Variants in TPST1 observed in about 807,000 individuals in gnomAD.
TPST1 encodes the protein tyrosylprotein sulfotransferase 1, also known as protein-tyrosine sulfotransferase 1.
In TPST1, 20 loss-of-function variants were observed where a neutral mutation model predicts 34.8. That is an observed-to-expected ratio of 0.57 (90% CI 0.40 to 0.84). The LOEUF (loss-of-function observed/expected upper bound fraction) is 0.84, where lower values mean the gene tolerates loss of function less well. Among genes scored for constraint, TPST1 ranks in the 40% least tolerant of loss-of-function variants. TPST1 has a pLI of 0.00. For synonymous variants in TPST1, 152 were observed against 159.4 expected (o/e 0.95, Z 0.35); for missense variants, 353 against 455.5 (o/e 0.78, Z 2.05).
In TPST1 at chr7:66,216,660, A is replaced by T. The variant is rs149014035; in HGVS notation, c.-102+11138A>T. On this transcript the variant is annotated intron_variant, in intron 1 of 5. Transcript: ENST00000304842. ...AATTTTTGTATTTTTAGTAGAGACG[A>T]AGTTTCACCATGTTAGCCAGGATGG... is the stretch of plus-strand genomic sequence containing the variant. Among the ~76,000 whole-genome samples the T allele has an allele frequency of 1.1e-3, 161 of 151,940 alleles. 5 individuals are homozygous for T. The East Asian group carries it at 0.029, about 28-fold the overall frequency.
At chr7:66,281,170 G>C (rs1790926182) in intron 2 of TPST1, among the ~76,000 whole-genome samples, 1 of 152,142 alleles carries the variant, frequency 6.6e-6, no homozygotes, top group Non-Finnish European at 1.5e-5. Context: ...GCATCCCAGG[G>C]ATAAAGCCTA....
At chr7:66,250,902 T>G (rs1046176358) in intron 2 of TPST1, among the ~76,000 whole-genome samples, 2 of 152,206 alleles carry the variant, frequency 1.3e-5, no homozygotes, top group Admixed American at 1.3e-4. Context: ...GGGTAGTGAG[T>G]GTACATTGCA....
intron 3 of TPST1, among the ~76,000 whole-genome samples, chr7:66,307,380 A>G (rs1466271085): frequency 1.3e-5 from 2 of 151,992 alleles, no homozygotes; most frequent in Non-Finnish European, 2.9e-5. Context: ...GGCCTCCCAA[A>G]GTGCTGGGAT....
chr7:66,337,392 C>A (rs1160903396), intron 3 of TPST1, among the ~76,000 whole-genome samples: 1 of 149,562 alleles, frequency 6.7e-6, no homozygotes, highest in Non-Finnish European at 1.5e-5. Context: ...TCACTGCAAC[C>A]TGCACCTCCT....
chr7:66,339,291 G>T (rs1792185958), intron 3 of TPST1, among the ~76,000 whole-genome samples: 1 of 152,010 alleles, frequency 6.6e-6, no homozygotes, highest in African/African-American at 2.4e-5. Flanking sequence ...AACCTACCAA[G>T]ATTGAATCAG....
intron 1 of TPST1, among the ~76,000 whole-genome samples, chr7:66,224,809 A>G (rs995015258): frequency 6.7e-6 from 1 of 148,722 alleles, no homozygotes; most frequent in Admixed American, 6.7e-5. Flanking sequence ...GAGCAGTTCT[A>G]TTAATAGTGA....
At chr7:66,358,565 T>C (rs997228065) in intron 5 of TPST1, among the ~76,000 whole-genome samples, 3 of 152,206 alleles carry the variant, frequency 2.0e-5, no homozygotes, top group Non-Finnish European at 4.4e-5. Flanking sequence ...TGAATGTGAC[T>C]TGCGGTGCGT....
At chr7:66,232,494 T>G (rs1439310169) in intron 1 of TPST1, among the ~76,000 whole-genome samples, 2 of 152,176 alleles carry the variant, frequency 1.3e-5, no homozygotes, top group Admixed American at 6.5e-5. Flanking sequence ...TGCCTCAGCC[T>G]CCCGAGTAGC....
At chr7:66,347,988 C>G (rs1197375582) in intron 3 of TPST1, among the ~76,000 whole-genome samples, 1 of 152,022 alleles carries the variant, frequency 6.6e-6, no homozygotes, top group African/African-American at 2.4e-5. Context: ...TGCTGTAAGA[C>G]TTACAGAATG....
At chr7:66,227,784 T>C (rs763134325) in intron 1 of TPST1, among the ~76,000 whole-genome samples, 25 of 151,876 alleles carry the variant, frequency 1.6e-4, no homozygotes, top group Admixed American at 3.3e-4. Context: ...ATGAATCAAA[T>C]ATTTATTAAA....
chr7:66,307,455 G>A (rs1791448516), intron 3 of TPST1, among the ~76,000 whole-genome samples: 2 of 152,182 alleles, frequency 1.3e-5, no homozygotes, highest in South Asian at 2.1e-4. Flanking sequence ...TTGACCAGAA[G>A]CAGTACTGTT....
intron 1 of TPST1, among the ~76,000 whole-genome samples, chr7:66,213,494 G>A (rs1023820764): frequency 3.3e-5 from 5 of 152,212 alleles, no homozygotes; most frequent in South Asian, 2.1e-4. Context: ...GGTGGCTCAC[G>A]CCTGTAATCC....
chr7:66,355,157 TAGG>T (rs1053683626), intron 4 of TPST1, among the ~76,000 whole-genome samples: 154 of 151,940 alleles, frequency 1.0e-3, no homozygotes, highest in African/African-American at 3.5e-3. Context: ...TGAGCCTAAG[TAGG>T]AGAATATATT....
intron 2 of TPST1, among the ~76,000 whole-genome samples, chr7:66,242,271 G>A (rs1472935209): frequency 6.6e-6 from 1 of 151,438 alleles, no homozygotes; most frequent in Non-Finnish European, 1.5e-5. Flanking sequence ...AATATATAAG[G>A]TGTTATATAT....
chr7:66,270,892 CTA>C (rs1164186946), intron 2 of TPST1, among the ~76,000 whole-genome samples: 1 of 152,162 alleles, frequency 6.6e-6, no homozygotes, highest in African/African-American at 2.4e-5. Context: ...AATTTGTTGA[CTA>C]TTGTAAAGTG....
chr7:66,280,456 G>A (rs769719418), intron 2 of TPST1, among the ~76,000 whole-genome samples: 2 of 152,162 alleles, frequency 1.3e-5, no homozygotes, highest in Non-Finnish European at 2.9e-5. Context: ...TGCTATTTTT[G>A]TACAATGATT....
Position 66,210,151 on chromosome 7 carries a change from C to T in TPST1, c.-102+4629C>T, listed in dbSNP as rs758658463. On this transcript the variant is annotated intron_variant, in intron 1 of 5. Transcript: ENST00000304842. Reference sequence around the variant, plus strand: ...GAGTGAATTTGTGGAGTAAGGAGAACTGGTTAGGTGTATAGGTGAGAGAGA... The same window carrying T: ...GAGTGAATTTGTGGAGTAAGGAGAATTGGTTAGGTGTATAGGTGAGAGAGA... Among the ~76,000 whole-genome samples the T allele has an allele frequency of 3.7e-4, 57 of 152,016 alleles. 1 individual carries two copies. Among genetic ancestry groups the T allele is most frequent in the Non-Finnish European group, 1.3e-4 (9 of 68,024 alleles).
At position 66,233,169 on chromosome 7, in the gene TPST1, T is replaced by G. The variant is rs78311997; in HGVS notation, c.-101-7156T>G. 7.3e-3 allele frequency among the ~76,000 whole-genome samples: 1,114 copies of G among 152,330 alleles called. 14 individuals carry two copies. Among genetic ancestry groups the G allele is most frequent in the African/African-American group, 0.024 (992 of 41,574 alleles). On this transcript the variant is annotated intron_variant, in intron 1 of 5. Transcript: ENST00000304842. ...TTTTTTGGTTTGTCTTTCACTTTCT[T>G]GGTGGTGTCCTTTGAAGCACAAAAA... is the stretch of plus-strand genomic sequence containing the variant.
chr7:66,239,277 G>C (rs1166002585), intron 1 of TPST1, among the ~76,000 whole-genome samples: 1 of 152,110 alleles, frequency 6.6e-6, no homozygotes, highest in Non-Finnish European at 1.5e-5. Context: ...TGCTGCACCT[G>C]GTCCTTCCTT....
Sources: allele counts gnomAD v4.1 joint callset (sites outside exome capture counted in the v4.1 genomes callset), GRCh38; gene constraint gnomAD v4.1.1; transcripts MANE v1.5; gene names NCBI Gene and HGNC (gene_info 2026-07-23, HGNC 2026-07-21).